The following PSD2 variants were observed in gnomAD, a reference collection of about 807,000 sequenced individuals.
The protein encoded by PSD2 is PH and SEC7 domain-containing protein 2.
In PSD2, 38 loss-of-function variants were observed where a neutral mutation model predicts 69.8. The ratio of observed to expected loss-of-function variants is 0.54; its 90% CI spans 0.42 to 0.71. The LOEUF is 0.71. Ranked by LOEUF, PSD2 falls within the 30% of genes least tolerant of loss-of-function variation. The probability of loss-of-function intolerance (pLI) is 0.00; values close to 1 mark genes in which losing one functional copy is unlikely to be tolerated. For synonymous variants in PSD2, 412 were observed against 423.0 expected, an observed-to-expected ratio of 0.97 and a Z score of 0.32; for missense variants, 943 against 1,014.5, an observed-to-expected ratio of 0.93 and a Z score of 0.96.
chr5:139,834,704 C>T (rs1203736998), intron 8 of PSD2, among the ~76,000 whole-genome samples: 2 of 152,110 alleles, frequency 1.3e-5, no homozygotes, highest in East Asian at 1.9e-4. Context: ...TTCCATAGAA[C>T]ATTGTCTCCA....
chr5:139,758,205 G>T, the PSD2 span, among the ~76,000 whole-genome samples: 1 of 152,112 alleles, frequency 6.6e-6, no homozygotes, highest in African/African-American at 2.4e-5. Context: ...TTCTGCATGG[G>T]GTGGTGATCT....
the PSD2 span, among the ~76,000 whole-genome samples, chr5:139,770,463 A>G: frequency 6.6e-6 from 1 of 152,162 alleles, no homozygotes; most frequent in Non-Finnish European, 1.5e-5. Context: ...AGGCTGAGGC[A>G]GGAGAATTAG....
the PSD2 span, among the ~76,000 whole-genome samples, chr5:139,746,642 T>C: frequency 9.2e-5 from 14 of 152,130 alleles, no homozygotes; most frequent in African/African-American, 2.9e-4. This position sits in a 1 kb window ranked among gnomAD's most constrained non-coding sequence, Gnocchi z 4.5. Context: ...GTATAGAGCT[T>C]GGCTGGGCGG....
chr5:139,834,967 C>T (rs897244480), intron 8 of PSD2, among the ~76,000 whole-genome samples: 1 of 151,348 alleles, frequency 6.6e-6, no homozygotes, highest in African/African-American at 2.4e-5. Flanking sequence ...CCAAACCCTC[C>T]CTTCCCACTC....
chr5:139,764,445 T>C, the PSD2 span, among the ~76,000 whole-genome samples: 1 of 152,054 alleles, frequency 6.6e-6, no homozygotes, highest in African/African-American at 2.4e-5. Context: ...GGGGGAGCCA[T>C]ATCCGTGTCC....
chr5:139,802,711 G>T (rs747930465), intron 1 of PSD2, among the ~76,000 whole-genome samples: 2 of 152,162 alleles, frequency 1.3e-5, no homozygotes, highest in African/African-American at 2.4e-5. Context: ...TTTGACAGCA[G>T]ACTTTGTGGA....
At chr5:139,769,456 C>T in the PSD2 span, among the ~76,000 whole-genome samples, 1 of 152,182 alleles carries the variant, frequency 6.6e-6, no homozygotes, top group Admixed American at 6.5e-5. Context: ...CCTCATCTCT[C>T]CCAGCTCCTC....
chr5:139,764,832 C>T, the PSD2 span, among the ~76,000 whole-genome samples: 1 of 152,172 alleles, frequency 6.6e-6, no homozygotes, highest in Non-Finnish European at 1.5e-5. Flanking sequence ...TCCACACCCG[C>T]CAGGAAAGCA....
intron 6 of PSD2, 25 bp downstream of exon 6, chr5:139,822,030 T>C: frequency 6.7e-7 from 1 of 1,481,512 alleles, no homozygotes; most frequent in Non-Finnish European, 9.3e-7. Flanking sequence ...CCACTCTGCC[T>C]GACCCTCCCC....
chr5:139,814,202 CAGA>C lies in PSD2; in HGVS notation c.855_857del (p.Asp286del). Reference sequence around the variant, plus strand: ...AGCCTGAAGGATGGCCTGTCAGACTCAGACTCTGAGCTCAGCAGCTCGGAGGGG... The same window carrying C: ...AGCCTGAAGGATGGCCTGTCAGACTCCTCTGAGCTCAGCAGCTCGGAGGGG... On this transcript the variant is annotated inframe_deletion, in exon 4 of 15. Transcript: ENST00000274710. This position sits in a 1 kb window ranked among gnomAD's most constrained non-coding sequence, Gnocchi z 4.4. The C allele has an allele frequency of 6.2e-7, 1 of 1,613,858 alleles. No individual in the cohort carries two copies. The highest frequency in any genetic ancestry group is 1.1e-5 in the South Asian group (1 of 91,028).
the PSD2 span, among the ~76,000 whole-genome samples, chr5:139,781,740 T>A: frequency 6.6e-6 from 1 of 151,874 alleles, no homozygotes. Flanking sequence ...TTCAAGCGAT[T>A]CTCCTGCGTC....
chr5:139,829,256 T>C (rs1760507334), intron 7 of PSD2, among the ~76,000 whole-genome samples: 1 of 152,256 alleles, frequency 6.6e-6, no homozygotes, highest in Non-Finnish European at 1.5e-5. Context: ...ATATTCTGTG[T>C]GTTGGTTACA....
rs1237994037 is a variant in PSD2 at position 139,843,274 on chromosome 5, G to A, written c.*800G>A. On this transcript the variant is annotated 3_prime_UTR_variant, in exon 15 of 15. Coordinates refer to ENST00000274710, the MANE Select transcript of PSD2 (RefSeq NM_032289.4). ...GCCCCCTGGCATTCCTGACGCTCTAGGAGGGAAGGGGGAGGCAGTGCTGGC... is the reference window on the plus strand; with the variant it reads ...GCCCCCTGGCATTCCTGACGCTCTAAGAGGGAAGGGGGAGGCAGTGCTGGC... The A allele has an allele frequency of 6.6e-6, 1 of 152,194 alleles. No individual in the cohort carries two copies. The highest frequency in any genetic ancestry group is 1.9e-4 in the East Asian group (1 of 5,202). 9.4% of individuals were successfully genotyped at this position (152,194 alleles called of 1,614,324 possible).
At chr5:139,829,209 A>G (rs1002387937) in intron 7 of PSD2, among the ~76,000 whole-genome samples, 1 of 152,196 alleles carries the variant, frequency 6.6e-6, no homozygotes, top group Non-Finnish European at 1.5e-5. Context: ...GAGAAAGATC[A>G]ATTCTAGTGA....
Position 139,842,526 on chromosome 5 carries a change from G to A in PSD2, c.*52G>A, listed in dbSNP as rs1303543889. On this transcript the variant is annotated 3_prime_UTR_variant, in exon 15 of 15. Coordinates refer to ENST00000274710, the MANE Select transcript of PSD2 (RefSeq NM_032289.4). ...TGGGCAGATGTCTCCAGTGGGGTCA[G>A]TGAGCACAATTCCAGCCAGGGGCCA... The A allele has an allele frequency of 6.5e-7, 1 of 1,547,230 alleles. No individual in the cohort carries two copies. The highest frequency in any genetic ancestry group is 8.9e-7 in the Non-Finnish European group (1 of 1,125,360).
At chr5:139,767,794 A>T in the PSD2 span, among the ~76,000 whole-genome samples, 4 of 152,254 alleles carry the variant, frequency 2.6e-5, no homozygotes, top group Non-Finnish European at 1.5e-5. Context: ...GGTGCTGTGC[A>T]AAGTGATTCA....
intron 7 of PSD2, among the ~76,000 whole-genome samples, chr5:139,828,936 C>T (rs778014662): frequency 6.9e-6 from 1 of 144,114 alleles, no homozygotes; most frequent in Non-Finnish European, 1.5e-5. Flanking sequence ...CCCGCTGTGA[C>T]TTTCCTCTGC....
At chr5:139,748,312 C>T in the PSD2 span, among the ~76,000 whole-genome samples, 42 of 152,178 alleles carry the variant, frequency 2.8e-4, no homozygotes, top group African/African-American at 9.9e-4. Flanking sequence ...CTCTCTTCTC[C>T]TCCCCGCTAT....
the PSD2 span, among the ~76,000 whole-genome samples, chr5:139,779,478 A>T: frequency 1.3e-5 from 2 of 152,176 alleles, no homozygotes; most frequent in African/African-American, 2.4e-5. Flanking sequence ...CTATCAGTAC[A>T]CTTTGACCCC....
Sources: allele counts gnomAD v4.1 joint callset (sites outside exome capture counted in the v4.1 genomes callset), GRCh38; gene constraint gnomAD v4.1.1; non-coding constraint Gnocchi (gnomAD v3.1); transcripts MANE v1.5; gene names NCBI Gene and HGNC (gene_info 2026-07-23, HGNC 2026-07-21).